ZNF385D: variants seen among roughly 807,000 people sequenced by gnomAD.
The protein encoded by ZNF385D is zinc finger protein 659.
A neutral mutation model predicts 35.8 loss-of-function variants in ZNF385D; 15 were observed. The observed-to-expected ratio is 0.42, with a 90% CI of 0.28 to 0.64. The LOEUF is 0.64. ZNF385D is among the 30% of genes least tolerant of loss of function. The pLI is 0.23. For synonymous variants in ZNF385D, 212 were observed against 186.8 expected (o/e 1.13, Z -1.10); for missense variants, 474 against 494.6 (o/e 0.96, Z 0.39).
intron 2 of ZNF385D, among the ~76,000 whole-genome samples, chr3:22,326,761 G>C (rs1259275811): frequency 6.6e-6 from 1 of 152,186 alleles, no homozygotes; most frequent in Non-Finnish European, 1.5e-5. Context: ...TGTACAGCTT[G>C]ATAATTTTCC....
Position 21,496,528 on chromosome 3 carries a change from G to GAT in ZNF385D, c.439+14331_439+14332dup, listed in dbSNP as rs1214383591. On this transcript the variant is annotated intron_variant, in intron 4 of 7. Transcript: ENST00000281523. The stretch of plus-strand genomic sequence containing the variant: ...ATCATATATATATACACATATATTT[G>GAT]ATATATATATCATATATATATACAC... Among the ~76,000 whole-genome samples the GAT allele has an allele frequency of 3.6e-4, 43 of 119,452 alleles. 1 individual carries two copies. The South Asian group carries it at 6.2e-3, about 17-fold the overall frequency. 78.4% of individuals were successfully genotyped at this position (119,452 alleles called of 152,430 possible).
chr3:22,323,743 A>C (rs2125449013), intron 2 of ZNF385D, among the ~76,000 whole-genome samples: 1 of 152,342 alleles, frequency 6.6e-6, no homozygotes, highest in South Asian at 2.1e-4. Context: ...ACTTAAAATA[A>C]GCCACGCAAA....
chr3:22,369,100 G>T (rs535027383), intron 2 of ZNF385D, among the ~76,000 whole-genome samples: 1 of 152,154 alleles, frequency 6.6e-6, no homozygotes, highest in Non-Finnish European at 1.5e-5. Flanking sequence ...AAACTAAGAA[G>T]TACCATCTAC....
At chr3:21,779,916 T>TA (rs1354680554) in intron 3 of ZNF385D, among the ~76,000 whole-genome samples, 2 of 152,028 alleles carry the variant, frequency 1.3e-5, no homozygotes, top group Admixed American at 6.6e-5. Flanking sequence ...AAATTTTCAT[T>TA]AAAAAAATCA....
At chr3:22,080,026 C>G (rs561219181) in intron 3 of ZNF385D, among the ~76,000 whole-genome samples, 1 of 151,966 alleles carries the variant, frequency 6.6e-6, no homozygotes, top group Non-Finnish European at 1.5e-5. Flanking sequence ...AGTTGTTACA[C>G]TTTCCTGGTA....
At chr3:21,953,220 A>C (rs1702141298) in intron 3 of ZNF385D, among the ~76,000 whole-genome samples, 1 of 151,670 alleles carries the variant, frequency 6.6e-6, no homozygotes, top group Non-Finnish European at 1.5e-5. Flanking sequence ...TGCACATTTC[A>C]AGCAAGCAGC....
intron 4 of ZNF385D, among the ~76,000 whole-genome samples, chr3:21,437,707 A>AAAC (rs1701635825): frequency 7.2e-6 from 1 of 138,184 alleles, no homozygotes; most frequent in South Asian, 2.3e-4. Flanking sequence ...TATACAAAAA[A>AAAC]AAAAAAAAAA....
chr3:21,925,329 A>T (rs1055741184), intron 3 of ZNF385D, among the ~76,000 whole-genome samples: 2 of 152,188 alleles, frequency 1.3e-5, no homozygotes, highest in African/African-American at 4.8e-5. Context: ...ATCCACAGAC[A>T]GACCCACACA....
intron 2 of ZNF385D, among the ~76,000 whole-genome samples, chr3:22,223,384 T>A (rs948719300): frequency 1.3e-5 from 2 of 152,172 alleles, no homozygotes; most frequent in African/African-American, 4.8e-5. Context: ...TGTTTAATAA[T>A]GTAGGCTCTG....
intron 2 of ZNF385D, among the ~76,000 whole-genome samples, chr3:22,274,274 C>A (rs1701318773): frequency 6.6e-6 from 1 of 151,778 alleles, no homozygotes; most frequent in South Asian, 2.1e-4. Flanking sequence ...AAACTAAAAT[C>A]AAATATTTCA....
intron 1 of ZNF385D, among the ~76,000 whole-genome samples, chr3:21,684,417 C>G (rs1432314104): frequency 7.7e-5 from 9 of 116,386 alleles, no homozygotes; most frequent in Non-Finnish European, 1.9e-5. Flanking sequence ...CTCTCTCTCT[C>G]TCTCTCTCTC....
intron 3 of ZNF385D, among the ~76,000 whole-genome samples, chr3:21,824,836 A>G (rs1440084131): frequency 6.6e-6 from 1 of 152,174 alleles, no homozygotes; most frequent in Non-Finnish European, 1.5e-5. Flanking sequence ...TTCCTTGATG[A>G]CTGTTTTTAC....
intron 2 of ZNF385D, among the ~76,000 whole-genome samples, chr3:22,370,895 G>A (rs1033899829): frequency 1.3e-5 from 2 of 152,134 alleles, no homozygotes; most frequent in African/African-American, 4.8e-5. Flanking sequence ...CAGAAGCCCC[G>A]ATTTTTGCCT....
chr3:22,090,532 A>T (rs537616064), intron 3 of ZNF385D, among the ~76,000 whole-genome samples: 1 of 152,212 alleles, frequency 6.6e-6, no homozygotes, highest in East Asian at 1.9e-4. Flanking sequence ...TCTCAGTTCA[A>T]TTCACAGCCT....
chr3:21,532,317 C>T (rs1213749551), intron 3 of ZNF385D, among the ~76,000 whole-genome samples: 1 of 151,998 alleles, frequency 6.6e-6, no homozygotes, highest in African/African-American at 2.4e-5. Context: ...CATAATAAAC[C>T]CTTATTATTT....
At chr3:21,868,344 CATG>C (rs1697496946) in intron 3 of ZNF385D, among the ~76,000 whole-genome samples, 1 of 152,060 alleles carries the variant, frequency 6.6e-6, no homozygotes, top group African/African-American at 2.4e-5. Flanking sequence ...GACCCCTGCT[CATG>C]ATAATTCTAT....
chr3:22,201,742 G>A (rs1427337263), intron 2 of ZNF385D, among the ~76,000 whole-genome samples: 1 of 151,752 alleles, frequency 6.6e-6, no homozygotes, highest in African/African-American at 2.4e-5. Context: ...CATACATGCA[G>A]GAAGGCATGG....
intron 4 of ZNF385D, among the ~76,000 whole-genome samples, chr3:21,440,936 T>C (rs534062967): frequency 1.3e-5 from 2 of 152,184 alleles, no homozygotes; most frequent in South Asian, 4.1e-4. Context: ...GACTTGACAT[T>C]GTATCTCCCA....
intron 3 of ZNF385D, among the ~76,000 whole-genome samples, chr3:21,818,086 C>T (rs1427824521): frequency 1.3e-5 from 2 of 151,544 alleles, no homozygotes; most frequent in Non-Finnish European, 2.9e-5. Context: ...GGACAGAAAA[C>T]GAAACACCGC....
Sources: allele counts gnomAD v4.1 joint callset (sites outside exome capture counted in the v4.1 genomes callset), GRCh38; gene constraint gnomAD v4.1.1; transcripts MANE v1.5; gene names NCBI Gene and HGNC (gene_info 2026-07-23, HGNC 2026-07-21).